Variants in RAMP1 observed in about 807,000 individuals in gnomAD.
The protein encoded by RAMP1 is receptor activity modifying protein 1.
A neutral mutation model predicts 8.2 loss-of-function variants in RAMP1; 7 were observed. The observed-to-expected ratio is 0.85, with a 90% CI of 0.49 to 1.60. RAMP1 has a LOEUF of 1.60. Ranked by LOEUF, RAMP1 falls within the 40% of genes most tolerant of loss-of-function variation. The pLI, the probability that RAMP1 is intolerant of heterozygous loss-of-function variation, is 0.00. For missense variants in RAMP1, 192 were observed against 202.4 expected (o/e 0.95, Z 0.31); for synonymous variants, 92 against 84.7 (o/e 1.09, Z -0.47).
At chr2:237,869,121 G>T (rs1159829573) in intron 1 of RAMP1, among the ~76,000 whole-genome samples, 2 of 152,084 alleles carry the variant, frequency 1.3e-5, no homozygotes, top group Non-Finnish European at 2.9e-5. Context: ...ACCCTGCACT[G>T]CGTTTGTGAT....
chr2:237,885,625 G>T (rs2062420226), intron 2 of RAMP1, among the ~76,000 whole-genome samples: 1 of 152,210 alleles, frequency 6.6e-6, no homozygotes, highest in African/African-American at 2.4e-5. Context: ...GCACAGCCAG[G>T]TCTCAGAGGA....
intron 2 of RAMP1, among the ~76,000 whole-genome samples, chr2:237,880,498 G>A (rs966464551): frequency 5.9e-5 from 9 of 152,198 alleles, no homozygotes; most frequent in East Asian, 1.9e-4. Flanking sequence ...ATATATGTGC[G>A]TATGTGTGGG....
intron 1 of RAMP1, among the ~76,000 whole-genome samples, chr2:237,860,630 C>G (rs899943615): frequency 2.0e-5 from 3 of 152,232 alleles, no homozygotes; most frequent in Non-Finnish European, 4.4e-5. Context: ...GAATAGGTTA[C>G]TGGCGTGGGA....
intron 2 of RAMP1, among the ~76,000 whole-genome samples, chr2:237,886,253 C>A (rs1016727749): frequency 6.6e-6 from 1 of 152,164 alleles, no homozygotes; most frequent in Non-Finnish European, 1.5e-5. Flanking sequence ...GTCTCCTTGG[C>A]GCGCGTGACC....
intron 1 of RAMP1, among the ~76,000 whole-genome samples, chr2:237,861,676 C>T (rs1281754528): frequency 4.0e-5 from 6 of 151,848 alleles, no homozygotes; most frequent in African/African-American, 7.3e-5. Context: ...GGTGAAACCC[C>T]GTCTCTACTA....
intron 1 of RAMP1, among the ~76,000 whole-genome samples, chr2:237,872,905 A>C (rs2062261278): frequency 6.6e-6 from 1 of 152,238 alleles, no homozygotes; most frequent in Non-Finnish European, 1.5e-5. Context: ...CTCTGGTCCC[A>C]GCTACTTGGG....
chr2:237,898,124 A>G (rs2062561482), intron 2 of RAMP1, among the ~76,000 whole-genome samples: 1 of 152,110 alleles, frequency 6.6e-6, no homozygotes, highest in African/African-American at 2.4e-5. Flanking sequence ...TTGGAAAGGG[A>G]TGGAGTTGGC....
In RAMP1 at chr2:237,862,044, T is replaced by G. The variant is rs1292316776; in HGVS notation, c.52+2317T>G. On this transcript the variant is annotated intron_variant, in intron 1 of 2. Coordinates refer to ENST00000254661, the MANE Select transcript of RAMP1 (RefSeq NM_005855.4). The surrounding 1 kb of genome is among the most constrained non-coding windows in gnomAD (Gnocchi z 4.0). The stretch of plus-strand genomic sequence containing the variant: ...TTCGAGTCCATCTTCACTCAGGGAA[T>G]GCTGGCTGGTGCTGTCACACATGAA... Among the ~76,000 whole-genome samples the G allele has an allele frequency of 6.6e-6, 1 of 152,110 alleles. No individual in the cohort carries two copies. The highest frequency in any genetic ancestry group is 1.5e-5 in the Non-Finnish European group (1 of 68,016).
At chr2:237,907,783 G>A (rs1030215121) in intron 2 of RAMP1, among the ~76,000 whole-genome samples, 14 of 152,152 alleles carry the variant, frequency 9.2e-5, no homozygotes, top group South Asian at 2.1e-4. Context: ...CATCTAGGTC[G>A]TCTCTGAGTC....
At chr2:237,871,398 GACA>G (rs2062243786) in intron 1 of RAMP1, among the ~76,000 whole-genome samples, 1 of 152,192 alleles carries the variant, frequency 6.6e-6, no homozygotes, top group South Asian at 2.1e-4. Context: ...GGCCATGGTT[GACA>G]CCTCACGCAG....
rs528723731 is a variant in RAMP1 at position 237,878,827 on chromosome 2, C to G, written c.191+1465C>G. 4.6e-5 allele frequency among the ~76,000 whole-genome samples: 7 copies of G among 152,364 alleles called. No homozygotes were observed. The South Asian group carries it at 1.2e-3, about 27-fold the overall frequency. ...GCTGGGATTTAAAACAACAGAAACT[C>G]CGTACCCTCTGCTCCAGTTCAGGTG... On this transcript the variant is annotated intron_variant, in intron 2 of 2. Coordinates refer to ENST00000254661, the MANE Select transcript of RAMP1 (RefSeq NM_005855.4). This position sits in a 1 kb window ranked among gnomAD's most constrained non-coding sequence, Gnocchi z 5.7.
At chr2:237,905,856 C>A (rs942370987) in intron 2 of RAMP1, among the ~76,000 whole-genome samples, 1 of 151,892 alleles carries the variant, frequency 6.6e-6, no homozygotes, top group African/African-American at 2.4e-5. Flanking sequence ...ACTAAAAATA[C>A]AAAAATTAGC....
At chr2:237,890,767 G>A (rs748038784) in intron 2 of RAMP1, among the ~76,000 whole-genome samples, 4 of 152,094 alleles carry the variant, frequency 2.6e-5, no homozygotes, top group Non-Finnish European at 5.9e-5. Flanking sequence ...TCAAGCTTAT[G>A]CCTCCACTTT....
chr2:237,877,481 T>TC lies in RAMP1; in HGVS notation c.191+124dup. On this transcript the variant is annotated intron_variant, in intron 2 of 2. Transcript: ENST00000254661. The surrounding 1 kb of genome is among the most constrained non-coding windows in gnomAD (Gnocchi z 4.4). ...CCTTTCTAGACCCCGGAAGGGTTCTTCCCCCAGTGGGGGGGGCCGGGATGA... is the reference window on the plus strand; with the variant it reads ...CCTTTCTAGACCCCGGAAGGGTTCTTCCCCCCAGTGGGGGGGGCCGGGATGA... 1 of 1,369,048 alleles carries TC rather than the reference T, an allele frequency of 7.3e-7. No homozygotes were observed. Among genetic ancestry groups the TC allele is most frequent in the Non-Finnish European group, 9.7e-7 (1 of 1,025,996 alleles). 84.8% of individuals were successfully genotyped at this position (1,369,048 alleles called of 1,614,324 possible). A position where few individuals can be genotyped will look rare whatever the true frequency, so the allele number is the denominator to read the frequency against.
chr2:237,895,986 C>T (rs1161935926), intron 2 of RAMP1, among the ~76,000 whole-genome samples: 2 of 152,176 alleles, frequency 1.3e-5, no homozygotes, highest in African/African-American at 4.8e-5. Flanking sequence ...TGGGTGTCCC[C>T]ACAGGGGTGC....
chr2:237,907,639 T>C (rs1399751497), intron 2 of RAMP1, among the ~76,000 whole-genome samples: 3 of 152,238 alleles, frequency 2.0e-5, no homozygotes, highest in Non-Finnish European at 2.9e-5. Flanking sequence ...TCTTTTTATT[T>C]CTAGCAACTG....
intron 1 of RAMP1, among the ~76,000 whole-genome samples, chr2:237,873,584 C>T (rs905833480): frequency 6.6e-6 from 1 of 152,196 alleles, no homozygotes; most frequent in Admixed American, 6.5e-5. Context: ...TTACGCACAG[C>T]TCGAGGGAAG....
At chr2:237,908,827 C>A (rs1038524339) in intron 2 of RAMP1, among the ~76,000 whole-genome samples, 2 of 152,192 alleles carry the variant, frequency 1.3e-5, no homozygotes, top group Admixed American at 6.5e-5. Flanking sequence ...TATCCTTCCC[C>A]TAGCCATGGT....
rs539593838 is a variant in RAMP1, at chr2:237,895,309, A to G, written c.192-16219A>G. On this transcript the variant is annotated intron_variant, in intron 2 of 2. Coordinates refer to ENST00000254661, the MANE Select transcript of RAMP1 (RefSeq NM_005855.4). Reference sequence around the variant, plus strand: ...GGGGGTCATGGGCTCCCATCAGAGAATGGCATGGTGGTGGCCCTCTGAGGG... The same window carrying G: ...GGGGGTCATGGGCTCCCATCAGAGAGTGGCATGGTGGTGGCCCTCTGAGGG... 1.5e-4 allele frequency among the ~76,000 whole-genome samples: 23 copies of G among 152,252 alleles called. No individual in the cohort carries two copies. In the South Asian group the frequency reaches 3.3e-3, roughly 22 times the overall value.
Sources: gnomAD v4.1 joint callset for allele counts (sites outside exome capture counted in the v4.1 genomes callset) on GRCh38, gnomAD v4.1.1 for gene constraint, Gnocchi (gnomAD v3.1) non-coding constraint, MANE v1.5 for transcripts, NCBI Gene and HGNC (gene_info 2026-07-23, HGNC 2026-07-21) for gene names.